The following FRAS1 variants were observed in gnomAD, a reference collection of about 807,000 sequenced individuals.
FRAS1 encodes extracellular matrix organizing protein FRAS1.
FRAS1 carries 290 observed loss-of-function variants against 435.2 expected under a neutral mutation model. The ratio of observed to expected loss-of-function variants is 0.67; its 90% CI spans 0.61 to 0.73. The LOEUF is 0.73. Among genes scored for constraint, FRAS1 ranks in the 30% least tolerant of loss-of-function variants. The pLI is 0.00. For synonymous variants in FRAS1, 1,800 were observed against 1,851.0 expected, an observed-to-expected ratio of 0.97 and a Z score of 0.71; for missense variants, 4,860 against 5,001.5, an observed-to-expected ratio of 0.97 and a Z score of 0.85.
chr4:78,310,477 A>T (rs920334454), intron 15 of FRAS1, among the ~76,000 whole-genome samples: 1 of 152,214 alleles, frequency 6.6e-6, no homozygotes, highest in Non-Finnish European at 1.5e-5. Context: ...ATTTTGAAAA[A>T]CATCTCAAAG....
intron 3 of FRAS1, among the ~76,000 whole-genome samples, chr4:78,240,752 G>T (rs1192272186): frequency 6.6e-6 from 1 of 152,174 alleles, no homozygotes; most frequent in Non-Finnish European, 1.5e-5. Context: ...TGTGAGAAAA[G>T]GGTACAAGAT....
chr4:78,258,357 A>G (rs2110141501), intron 6 of FRAS1, among the ~76,000 whole-genome samples: 1 of 150,740 alleles, frequency 6.6e-6, no homozygotes, highest in East Asian at 1.9e-4. Context: ...AAAAAAAAAG[A>G]AAAAAGAAAG....
intron 2 of FRAS1, among the ~76,000 whole-genome samples, chr4:78,148,988 G>C (rs1185994135): frequency 6.6e-6 from 1 of 152,204 alleles, no homozygotes; most frequent in Non-Finnish European, 1.5e-5. Flanking sequence ...TGGACAAAGA[G>C]TGTAATTCAT....
In FRAS1 at chr4:78,152,094, G is replaced by A. The variant is rs532074158; in HGVS notation, c.109-85416G>A. On this transcript the variant is annotated intron_variant, in intron 2 of 73. Transcript: ENST00000512123. ...CAGATGCTAAGTCAGTATTTGCCTGGTTCTATTCTGTGTCATGTCGTGCTA... is the reference window on the plus strand; with the variant it reads ...CAGATGCTAAGTCAGTATTTGCCTGATTCTATTCTGTGTCATGTCGTGCTA... Among the ~76,000 whole-genome samples the A allele has an allele frequency of 3.9e-5, 6 of 152,216 alleles. No homozygotes were observed. In the South Asian group the frequency reaches 1.2e-3, roughly 32 times the overall value.
chr4:78,268,930 TGAG>T (rs2110158057), intron 9 of FRAS1, among the ~76,000 whole-genome samples: 1 of 152,354 alleles, frequency 6.6e-6, no homozygotes, highest in South Asian at 2.1e-4. Flanking sequence ...TTTTATGAAT[TGAG>T]GAGTTCTGAT....
chr4:78,227,400 T>A (rs79395774), intron 2 of FRAS1, among the ~76,000 whole-genome samples: 1 of 152,196 alleles, frequency 6.6e-6, no homozygotes, highest in Non-Finnish European at 1.5e-5. Flanking sequence ...AGCAAATTTT[T>A]AAATGCCTCT....
Position 78,308,060 on chromosome 4 carries a change from C to T in FRAS1, c.1535-6C>T. The T allele has an allele frequency of 1.1e-5, 17 of 1,590,708 alleles. No individual in the cohort carries two copies. The highest frequency in any genetic ancestry group is 1.5e-5 in the Non-Finnish European group (17 of 1,166,156). On this transcript the variant is annotated splice_polypyrimidine_tract_variant and splice_region_variant and intron_variant, in intron 14 of 73. Coordinates refer to ENST00000512123, the MANE Select transcript of FRAS1 (RefSeq NM_025074.7). ...ATTACTCACTGATTTTGCTATTCGT[C>T]TGCAGTCTGCCATGAGTCCTGTGCA...
At chr4:78,360,196 C>T (rs1246219551) in intron 20 of FRAS1, among the ~76,000 whole-genome samples, 2 of 152,172 alleles carry the variant, frequency 1.3e-5, no homozygotes, top group Non-Finnish European at 2.9e-5. Context: ...AGGAGGGCTG[C>T]TCAGTCAACA....
chr4:78,451,263 C>G (rs1481592213), intron 45 of FRAS1, among the ~76,000 whole-genome samples: 1 of 152,052 alleles, frequency 6.6e-6, no homozygotes, highest in African/African-American at 2.4e-5. Context: ...CTTTTAGATC[C>G]TTTTGAGTTC....
At chr4:78,505,178 C>T (rs1036174820) in intron 61 of FRAS1, among the ~76,000 whole-genome samples, 1 of 152,112 alleles carries the variant, frequency 6.6e-6, no homozygotes, top group African/African-American at 2.4e-5. Flanking sequence ...TCATTTCCAC[C>T]TTGGTGAATC....
intron 2 of FRAS1, among the ~76,000 whole-genome samples, chr4:78,115,835 T>C (rs532991902): frequency 6.6e-6 from 1 of 152,272 alleles, no homozygotes; most frequent in Admixed American, 6.5e-5. Context: ...TTCCTTCAGT[T>C]CTTCTCTGAT....
At chr4:78,498,513 A>G (rs1461422645) in intron 60 of FRAS1, among the ~76,000 whole-genome samples, 3 of 136,668 alleles carry the variant, frequency 2.2e-5, no homozygotes, top group Non-Finnish European at 4.8e-5. Flanking sequence ...TCTCAAAGAA[A>G]AAAAAAAAAA....
chr4:78,073,076 A>G (rs375709340), intron 2 of FRAS1, among the ~76,000 whole-genome samples: 10 of 152,242 alleles, frequency 6.6e-5, no homozygotes, highest in African/African-American at 2.4e-4. Flanking sequence ...TTAGTTCCTC[A>G]AAGGGAGTAA....
chr4:78,400,493 A>T (rs1732839227), intron 29 of FRAS1, among the ~76,000 whole-genome samples: 1 of 152,220 alleles, frequency 6.6e-6, no homozygotes, highest in Admixed American at 6.5e-5. Context: ...TAGTCTTTCT[A>T]AATAAGTTGT....
At chr4:78,428,498 AT>A (rs1397178088) in intron 35 of FRAS1, among the ~76,000 whole-genome samples, 4 of 151,704 alleles carry the variant, frequency 2.6e-5, no homozygotes, top group South Asian at 2.1e-4. Flanking sequence ...AATTTTTTGT[AT>A]TTTTTAGTAG....
chr4:78,538,604 C>T (rs1229242857), intron 72 of FRAS1, among the ~76,000 whole-genome samples: 1 of 152,224 alleles, frequency 6.6e-6, no homozygotes. Context: ...GCAAATACAT[C>T]CTTCTTCACA....
chr4:78,166,632 C>T (rs919836919), intron 2 of FRAS1, among the ~76,000 whole-genome samples: 1 of 152,066 alleles, frequency 6.6e-6, no homozygotes, highest in Non-Finnish European at 1.5e-5. Context: ...TCAAGAGTCA[C>T]CAAATATTTT....
At chr4:78,502,200 G>A (rs1448038414) in intron 61 of FRAS1, among the ~76,000 whole-genome samples, 2 of 152,100 alleles carry the variant, frequency 1.3e-5, no homozygotes, top group African/African-American at 4.8e-5. Context: ...TGGCAATGAG[G>A]GCTCTTTTTT....
At position 78,413,220 on chromosome 4, in the gene FRAS1, A is replaced by G. The variant is rs538188650; in HGVS notation, c.4425+135A>G. The stretch of plus-strand genomic sequence containing the variant: ...CACAGACTTGGGGGCCAAAAAGCCT[A>G]GTGGTCACATTTCTCATTGACTTGA... On this transcript the variant is annotated intron_variant, in intron 32 of 73. Coordinates refer to ENST00000512123, the MANE Select transcript of FRAS1 (RefSeq NM_025074.7). 8 of 515,972 alleles carry G rather than the reference A, an allele frequency of 1.6e-5. No homozygotes were observed. The South Asian group carries it at 2.1e-4, about 14-fold the overall frequency. The allele number at this position is 515,972 out of a possible 1,614,324, so 32.0% of individuals were successfully genotyped here.
Sources: gnomAD v4.1 joint callset for allele counts (sites outside exome capture counted in the v4.1 genomes callset) on GRCh38, gnomAD v4.1.1 for gene constraint, MANE v1.5 for transcripts, NCBI Gene and HGNC (gene_info 2026-07-23, HGNC 2026-07-21) for gene names.